The following NTN4 variants were observed in gnomAD, a reference collection of about 807,000 sequenced individuals.
The protein encoded by NTN4 is netrin-4.
NTN4 carries 32 observed loss-of-function variants against 73.6 expected under a neutral mutation model. The ratio of observed to expected loss-of-function variants is 0.44; its 90% CI spans 0.33 to 0.58. NTN4 has a LOEUF of 0.58. NTN4 is among the 20% of genes least tolerant of loss of function. The pLI, the probability that NTN4 is intolerant of heterozygous loss-of-function variation, is 0.04. For missense variants in NTN4, 654 were observed against 798.3 expected (o/e 0.82, Z 2.18); for synonymous variants, 258 against 287.5 (o/e 0.90, Z 1.04).
chr12:95,748,244 A>AAAAAAAAAAAAAG, intron 2 of NTN4, among the ~76,000 whole-genome samples: 1 of 138,482 alleles, frequency 7.2e-6, no homozygotes, highest in Non-Finnish European at 1.5e-5. Context: ...AAAAAAAAAA[A>AAAAAAAAAAAAAG]AAAAGAAAAG....
chr12:95,668,683 T>C (rs1237732586), intron 8 of NTN4, among the ~76,000 whole-genome samples: 9 of 152,226 alleles, frequency 5.9e-5, no homozygotes, highest in African/African-American at 1.4e-4. Flanking sequence ...AGGCCATATA[T>C]ATTATAGACC....
chr12:95,761,326 C>CTT (rs397969115), intron 2 of NTN4, among the ~76,000 whole-genome samples: 7 of 133,168 alleles, frequency 5.3e-5, no homozygotes, highest in South Asian at 2.4e-4. Flanking sequence ...AAGAGATATT[C>CTT]TTTTTTTTTT....
intron 1 of NTN4, among the ~76,000 whole-genome samples, chr12:95,788,908 C>T (rs893572927): frequency 1.1e-4 from 17 of 152,196 alleles, no homozygotes; most frequent in African/African-American, 3.4e-4. Context: ...TGACTTGAAA[C>T]ACTTGCCTTG....
At chr12:95,659,310 T>A in intron 9 of NTN4, 88 bp from the exon 10 acceptor site, 2 of 1,041,900 alleles carry the variant, frequency 1.9e-6, no homozygotes, top group Non-Finnish European at 2.8e-6. Flanking sequence ...TTTGCATTTA[T>A]TTTGAGACAA....
chr12:95,662,477 CACCTCA>C (rs1307717021), intron 9 of NTN4, among the ~76,000 whole-genome samples: 1 of 152,038 alleles, frequency 6.6e-6, no homozygotes, highest in Non-Finnish European at 1.5e-5. Flanking sequence ...GCAATCCACC[CACCTCA>C]ACCTCCCAAA....
Position 95,751,872 on chromosome 12 carries a change from C to T in NTN4, c.586-13728G>A, listed in dbSNP as rs537874313. Among the ~76,000 whole-genome samples the T allele has an allele frequency of 8.5e-5, 8 of 94,536 alleles. No homozygotes were observed. In the East Asian group the frequency reaches 2.3e-3, roughly 27 times the overall value. 62.0% of individuals were successfully genotyped at this position (94,536 alleles called of 152,430 possible). On this transcript the variant is annotated intron_variant, in intron 2 of 9. Coordinates refer to ENST00000343702, the MANE Select transcript of NTN4 (RefSeq NM_021229.4). ...TCTTAAAACTCCCCAACTCTGGTGC[C>T]AACTTAGACAATACCCTTTTAAGCA...
chr12:95,709,246 C>G (rs1030368707), intron 5 of NTN4, among the ~76,000 whole-genome samples: 1 of 152,152 alleles, frequency 6.6e-6, no homozygotes, highest in Non-Finnish European at 1.5e-5. Flanking sequence ...TGAGCTAGAA[C>G]ATGGAGTCCT....
chr12:95,784,627 T>C (rs2079154861), intron 2 of NTN4, among the ~76,000 whole-genome samples: 1 of 151,822 alleles, frequency 6.6e-6, no homozygotes, highest in Non-Finnish European at 1.5e-5. Context: ...AAAAGCTGGA[T>C]GTGGTGGTGT....
Position 95,682,834 on chromosome 12 carries a change from G to A in NTN4, c.1395-12C>T, listed in dbSNP as rs943887671. Reference sequence around the variant, plus strand: ...CTATGTCTGTGTGGCTAACAAAATAGAACATGATAAAGAACGTATTCAGGA... The same window carrying A: ...CTATGTCTGTGTGGCTAACAAAATAAAACATGATAAAGAACGTATTCAGGA... On this transcript the variant is annotated splice_polypyrimidine_tract_variant and intron_variant, in intron 6 of 9. Transcript: ENST00000343702. 1 of 1,517,776 alleles carries A rather than the reference G, an allele frequency of 6.6e-7. No homozygotes were observed. Among genetic ancestry groups the A allele is most frequent in the Non-Finnish European group, 9.1e-7 (1 of 1,094,904 alleles). 94.0% of individuals were successfully genotyped at this position (1,517,776 alleles called of 1,614,324 possible).
chr12:95,672,239 G>T, intron 7 of NTN4: 1 of 622,286 alleles, frequency 1.6e-6, no homozygotes, highest in Non-Finnish European at 3.0e-6. Context: ...GGGAGGCGGG[G>T]GCAGGGGGCG....
chr12:95,731,100 T>C (rs2078733809), intron 3 of NTN4, among the ~76,000 whole-genome samples: 1 of 152,232 alleles, frequency 6.6e-6, no homozygotes, highest in Non-Finnish European at 1.5e-5. Context: ...CTCTTTTTCT[T>C]CCCTTTGGAG....
chr12:95,750,280 C>T (rs1019993645), intron 2 of NTN4, among the ~76,000 whole-genome samples: 56 of 151,106 alleles, frequency 3.7e-4, no homozygotes, highest in African/African-American at 1.2e-3. Context: ...AAGGTAAGAA[C>T]CGCCGAACCC....
chr12:95,674,460 G>A lies in NTN4; in HGVS notation c.1511-4314C>T, dbSNP rs188607971. On this transcript the variant is annotated intron_variant, in intron 7 of 9. Transcript: ENST00000343702. Reference sequence around the variant, plus strand: ...TCAGCCCAGATGTGTTTTCTTAAAAGAAATCTGGAAGGGAAGAAAAGCTTG... The same window carrying A: ...TCAGCCCAGATGTGTTTTCTTAAAAAAAATCTGGAAGGGAAGAAAAGCTTG... 2.7e-3 allele frequency among the ~76,000 whole-genome samples: 413 copies of A among 152,170 alleles called. 1 individual carries two copies. The highest frequency in any genetic ancestry group is 9.3e-3 in the African/African-American group (385 of 41,524).
At chr12:95,751,886 C>A (rs1274556104) in intron 2 of NTN4, among the ~76,000 whole-genome samples, 1 of 99,912 alleles carries the variant, frequency 1.0e-5, no homozygotes, top group Admixed American at 9.1e-5. Context: ...TTAGACAATA[C>A]CCTTTTAAGC....
At chr12:95,725,516 A>T (rs1469208472) in intron 3 of NTN4, among the ~76,000 whole-genome samples, 2 of 152,148 alleles carry the variant, frequency 1.3e-5, no homozygotes, top group African/African-American at 4.8e-5. Flanking sequence ...AGATTTTTTT[A>T]AAGATCCAGT....
chr12:95,753,816 A>AT (rs2078927662), intron 2 of NTN4, among the ~76,000 whole-genome samples: 2 of 152,074 alleles, frequency 1.3e-5, no homozygotes, highest in Non-Finnish European at 2.9e-5. Flanking sequence ...AAGCTCCTGT[A>AT]TAGACGCTCC....
intron 5 of NTN4, among the ~76,000 whole-genome samples, chr12:95,697,035 T>C: frequency 6.6e-6 from 1 of 151,336 alleles, no homozygotes; most frequent in Non-Finnish European, 1.5e-5. Flanking sequence ...ATTAGCTGAG[T>C]GTGGTGGCAT....
intron 2 of NTN4, among the ~76,000 whole-genome samples, chr12:95,775,791 T>C (rs1473523412): frequency 6.6e-6 from 1 of 152,224 alleles, no homozygotes; most frequent in Non-Finnish European, 1.5e-5. Flanking sequence ...CAGAAACCTC[T>C]GCAGACTTAA....
chr12:95,686,701 T>TA (rs2078363598), intron 5 of NTN4, among the ~76,000 whole-genome samples: 1 of 148,170 alleles, frequency 6.7e-6, no homozygotes, highest in African/African-American at 2.5e-5. Context: ...CAGGTTGCAA[T>TA]GAGCTGAGAT....
Sources: gnomAD v4.1 joint callset for allele counts (sites outside exome capture counted in the v4.1 genomes callset) on GRCh38, gnomAD v4.1.1 for gene constraint, MANE v1.5 for transcripts, NCBI Gene and HGNC (gene_info 2026-07-23, HGNC 2026-07-21) for gene names.